CEP135: variants seen among roughly 807,000 people sequenced by gnomAD.
CEP135 encodes the protein centrosomal protein 135, also known as centrosomal protein of 135 kDa.
In CEP135, 142 loss-of-function variants were observed where a neutral mutation model predicts 157.3. The ratio of observed to expected loss-of-function variants is 0.90; its 90% CI spans 0.79 to 1.04. The LOEUF is 1.04. Among genes scored for constraint, CEP135 ranks in the 50% least tolerant of loss-of-function variants. CEP135 has a pLI of 0.00. For synonymous variants in CEP135, 396 were observed against 439.8 expected, an observed-to-expected ratio of 0.90 and a Z score of 1.25; for missense variants, 1,317 against 1,309.2, an observed-to-expected ratio of 1.01 and a Z score of -0.09.
In CEP135 at chr4:55,974,856, C is replaced by G. The variant is rs76055256; in HGVS notation, c.1360C>G (p.Arg454Gly). The G allele has an allele frequency of 8.2e-4, 1,325 of 1,613,640 alleles. 2 individuals carry two copies. Among genetic ancestry groups the G allele is most frequent in the Non-Finnish European group, 1.1e-3 (1,252 of 1,179,776 alleles). ...DTFLKGIEEE[R>G]DYYKKELERL... Reference sequence around the variant, plus strand: ...ATTTCTGAAAGGTATAGAAGAAGAACGAGATTATTATAAGAAAGAGCTAGA... The same window carrying G: ...ATTTCTGAAAGGTATAGAAGAAGAAGGAGATTATTATAAGAAAGAGCTAGA... Residue 454 changes from arginine to glycine, a missense_variant, in exon 11 of 26, where the codon CGA becomes GGA. Physicochemically the swap from Arg to Gly is moderately radical, Grantham distance 125 (BLOSUM62 -2). Coordinates refer to ENST00000257287, the MANE Select transcript of CEP135 (RefSeq NM_025009.5).
rs770884374 is a variant in CEP135, at chr4:55,975,012, A to AAT, written c.1473+45_1473+46dup. On this transcript the variant is annotated intron_variant, in intron 11 of 25. Transcript: ENST00000257287. Reference sequence around the variant, plus strand: ...GAGTAGGCCAGAAAGTATCTTTATGAATAAATTTTTCTGGTTTATTATTAT... The same window carrying AAT: ...GAGTAGGCCAGAAAGTATCTTTATGAATATAAATTTTTCTGGTTTATTATTAT... The AAT allele has an allele frequency of 3.6e-6, 5 of 1,392,198 alleles. No individual in the cohort carries two copies. The African/African-American group carries it at 7.3e-5, about 20-fold the overall frequency. 86.2% of individuals were successfully genotyped at this position (1,392,198 alleles called of 1,614,324 possible). A position where few individuals can be genotyped will look rare whatever the true frequency, so the allele number is the denominator to read the frequency against.
intron 14 of CEP135, among the ~76,000 whole-genome samples, chr4:55,988,433 G>GA (rs1213594505): frequency 6.6e-6 from 1 of 152,160 alleles, no homozygotes; most frequent in Non-Finnish European, 1.5e-5. Context: ...TCAGAGGCAG[G>GA]AGGATCACTT....
chr4:55,957,173 A>G, intron 4 of CEP135, 50 bp from the exon 5 acceptor site: 1 of 1,589,488 alleles, frequency 6.3e-7, no homozygotes, highest in Non-Finnish European at 8.6e-7. Context: ...TTTAATTCTA[A>G]GACATGGTTT....
chr4:56,022,144 A>G (rs950256160), intron 24 of CEP135, among the ~76,000 whole-genome samples: 9 of 152,212 alleles, frequency 5.9e-5, no homozygotes, highest in African/African-American at 2.2e-4. Flanking sequence ...TAAACTGTAC[A>G]TATATAATGA....
intron 7 of CEP135, chr4:55,964,970 C>A (rs1184812660): frequency 6.6e-6 from 1 of 152,012 alleles, no homozygotes; most frequent in African/African-American, 2.4e-5. Flanking sequence ...GACACAGGAA[C>A]TTTAGAAATT....
chr4:55,971,498 T>A, intron 10 of CEP135, 90 bp downstream of exon 10: 1 of 1,243,226 alleles, frequency 8.0e-7, no homozygotes, highest in Non-Finnish European at 1.1e-6. Context: ...CATTCATTCA[T>A]TCAATAAATA....
intron 13 of CEP135, among the ~76,000 whole-genome samples, chr4:55,984,848 C>A (rs1256372751): frequency 2.0e-5 from 3 of 152,212 alleles, no homozygotes; most frequent in African/African-American, 7.2e-5. Context: ...GCATCTCTTG[C>A]ATGGCCTTGT....
At chr4:55,956,492 C>A (rs915114800) in intron 4 of CEP135, among the ~76,000 whole-genome samples, 2 of 152,196 alleles carry the variant, frequency 1.3e-5, no homozygotes, top group African/African-American at 2.4e-5. Context: ...TTGCTACTTA[C>A]AATTTCAGTT....
At chr4:56,027,199 G>A (rs1186879444) in intron 25 of CEP135, among the ~76,000 whole-genome samples, 1 of 152,170 alleles carries the variant, frequency 6.6e-6, no homozygotes, top group African/African-American at 2.4e-5. Context: ...TCACCTTCTT[G>A]TTACAAAGGA....
chr4:55,965,821 G>A lies in CEP135; in HGVS notation c.1006G>A (p.Val336Met), dbSNP rs1290474717. The part of the protein sequence containing the change: ...AQQLERHKEE[V>M]LETADKELGE... ...GCAGTTGGAAAGACATAAAGAAGAA[G>A]TGCTTGAGACTGCTGATAAAGAGCT... Residue 336 changes from valine (V) to methionine (M), a missense_variant, in exon 8 of 26, where the codon GTG becomes ATG. Coordinates refer to ENST00000257287, the MANE Select transcript of CEP135 (RefSeq NM_025009.5). 5.0e-6 allele frequency: 8 copies of A among 1,613,546 alleles called. No homozygotes were observed. The highest frequency in any genetic ancestry group is 5.9e-6 in the Non-Finnish European group (7 of 1,179,630).
chr4:55,963,120 C>G (rs1728735942), intron 6 of CEP135, among the ~76,000 whole-genome samples: 1 of 152,214 alleles, frequency 6.6e-6, no homozygotes, highest in Non-Finnish European at 1.5e-5. Context: ...GCATACCACT[C>G]ACCAAGTTCT....
At chr4:55,957,824 G>A (rs1331776290) in intron 5 of CEP135, among the ~76,000 whole-genome samples, 2 of 152,146 alleles carry the variant, frequency 1.3e-5, no homozygotes, top group African/African-American at 4.8e-5. Context: ...CCATTTGATT[G>A]AAATGTTATT....
chr4:55,950,727 A>AT (rs1728338519), intron 1 of CEP135, among the ~76,000 whole-genome samples: 1 of 152,114 alleles, frequency 6.6e-6, no homozygotes, highest in Non-Finnish European at 1.5e-5. Flanking sequence ...AAAGACAAAG[A>AT]TAAAAACTTG....
At chr4:56,024,070 AT>A (rs1731071242) in intron 24 of CEP135, among the ~76,000 whole-genome samples, 2 of 144,074 alleles carry the variant, frequency 1.4e-5, no homozygotes, top group Non-Finnish European at 3.0e-5. Context: ...CATATATTAT[AT>A]ATTATATAAT....
At chr4:56,008,548 C>T (rs1455014590) in intron 18 of CEP135, among the ~76,000 whole-genome samples, 166 bp downstream of exon 18, 1 of 152,176 alleles carries the variant, frequency 6.6e-6, no homozygotes, top group African/African-American at 2.4e-5. Flanking sequence ...ATGTTATCTT[C>T]TTTAACCTCT....
At chr4:55,965,597 G>C (rs769655832) in intron 7 of CEP135, 47 bp from the exon 8 acceptor site, 17 of 1,281,274 alleles carry the variant, frequency 1.3e-5, no homozygotes, top group African/African-American at 4.5e-5. Context: ...CAGTGTTTAG[G>C]ATAATTTTCC....
In CEP135 at chr4:55,976,235, C is replaced by CA. The variant is rs749867669; in HGVS notation, c.1473+1280dup. Among the ~76,000 whole-genome samples, 317 of 79,576 alleles carry CA rather than the reference C, an allele frequency of 4.0e-3. 1 individual carries two copies. The highest frequency in any genetic ancestry group is 0.014 in the South Asian group (35 of 2,438). The allele number at this position is 79,576 out of a possible 152,430, so 52.2% of individuals were successfully genotyped here. On this transcript the variant is annotated intron_variant, in intron 11 of 25. Coordinates refer to ENST00000257287, the MANE Select transcript of CEP135 (RefSeq NM_025009.5). ...CGTCACTGCATTCCAGCCTGGGTGACAAAAAAAAAAAAAAGAAAGAAAGAA... is the reference window on the plus strand; with the variant it reads ...CGTCACTGCATTCCAGCCTGGGTGACAAAAAAAAAAAAAAAGAAAGAAAGAA...
chr4:56,017,857 G>A lies in CEP135; in HGVS notation c.3012G>A (p.Arg1004=), dbSNP rs747323579. 9.9e-6 allele frequency: 16 copies of A among 1,610,190 alleles called. No individual in the cohort carries two copies. The South Asian group carries it at 1.2e-4, about 12-fold the overall frequency. The stretch of plus-strand genomic sequence containing the variant: ...ATTCGAAAAACCTTGAGTTTGAGAG[G>A]GTAAGAAAGATAAATTGTCTTGGCA... The part of the protein sequence containing the change: ...QLNSKNLEFE[R]VVVELENVKS... Residue 1004 remains arginine, a splice_region_variant and synonymous_variant, in exon 22 of 26, where the codon AGG becomes AGA. Coordinates refer to ENST00000257287, the MANE Select transcript of CEP135 (RefSeq NM_025009.5).
At chr4:56,009,454 G>A (rs891211325) in intron 18 of CEP135, among the ~76,000 whole-genome samples, 2 of 152,112 alleles carry the variant, frequency 1.3e-5, no homozygotes, top group East Asian at 1.9e-4. Flanking sequence ...GAGCCACCGC[G>A]CCCAGCCCCC....
Sources: allele counts gnomAD v4.1 joint callset (sites outside exome capture counted in the v4.1 genomes callset), GRCh38; gene constraint gnomAD v4.1.1; transcripts MANE v1.5; gene names NCBI Gene and HGNC (gene_info 2026-07-23, HGNC 2026-07-21).